Variants in NAALADL2 observed in about 807,000 individuals in gnomAD.
NAALADL2 encodes inactive N-acetylated-alpha-linked acidic dipeptidase-like protein 2.
A neutral mutation model predicts 87.2 loss-of-function variants in NAALADL2; 76 were observed. The ratio of observed to expected loss-of-function variants is 0.87; its 90% CI spans 0.72 to 1.05. The LOEUF (loss-of-function observed/expected upper bound fraction) is 1.05. NAALADL2 is among the 50% of genes least tolerant of loss of function. The pLI is 0.00. For synonymous variants in NAALADL2, 354 were observed against 331.0 expected (o/e 1.07, Z -0.75); for missense variants, 1,089 against 945.8 (o/e 1.15, Z -1.99).
At chr3:175,338,548 A>T (rs1406195355) in intron 5 of NAALADL2, among the ~76,000 whole-genome samples, 1 of 143,266 alleles carries the variant, frequency 7.0e-6, no homozygotes, top group African/African-American at 2.5e-5. Context: ...GGCACCAGGA[A>T]GGTTGTCAAT....
chr3:175,089,024 G>GAA (rs11425531), intron 1 of NAALADL2, among the ~76,000 whole-genome samples: 17 of 150,654 alleles, frequency 1.1e-4, no homozygotes, highest in East Asian at 3.9e-4. Context: ...AACAGCAGGA[G>GAA]AAAAAAAAAA....
intron 2 of NAALADL2, among the ~76,000 whole-genome samples, chr3:175,152,924 A>T (rs1267499018): frequency 1.3e-5 from 2 of 152,028 alleles, no homozygotes; most frequent in African/African-American, 2.4e-5. Flanking sequence ...AGAAAAAAAA[A>T]TTCTAATGTA....
chr3:175,017,958 A>T (rs1482566284), intron 1 of NAALADL2, among the ~76,000 whole-genome samples: 1 of 152,028 alleles, frequency 6.6e-6, no homozygotes, highest in Non-Finnish European at 1.5e-5. Context: ...CAGAGTGGCA[A>T]GCATATGAAA....
intron 1 of NAALADL2, among the ~76,000 whole-genome samples, chr3:175,085,522 C>G (rs928702101): frequency 3.3e-5 from 5 of 151,952 alleles, no homozygotes; most frequent in Non-Finnish European, 7.4e-5. Flanking sequence ...ACTCAGGAAA[C>G]AAAGAGACCT....
chr3:175,230,911 G>A (rs1001247476), intron 2 of NAALADL2, among the ~76,000 whole-genome samples: 1 of 151,874 alleles, frequency 6.6e-6, no homozygotes, highest in Non-Finnish European at 1.5e-5. Context: ...ATAATCCCTT[G>A]CCTAAAGAAA....
At chr3:174,670,713 A>T (rs1244741462) in intron 2 of NAALADL2, among the ~76,000 whole-genome samples, 1 of 152,106 alleles carries the variant, frequency 6.6e-6, no homozygotes, top group Non-Finnish European at 1.5e-5. Context: ...ATTTCATATA[A>T]TTCAACATAA....
chr3:175,440,010 T>G (rs2149198194), intron 5 of NAALADL2, among the ~76,000 whole-genome samples: 1 of 152,322 alleles, frequency 6.6e-6, no homozygotes, highest in African/African-American at 2.4e-5. Flanking sequence ...TCTAGAATTT[T>G]TATGGTTTCA....
chr3:175,616,553 A>C (rs1048662845), intron 10 of NAALADL2, among the ~76,000 whole-genome samples: 2 of 152,094 alleles, frequency 1.3e-5, no homozygotes, highest in African/African-American at 4.8e-5. Flanking sequence ...TGAAAATATG[A>C]ATCTGGGAGT....
rs555589711 is a variant in NAALADL2 at position 174,442,436 on chromosome 3, T to C, written c.-184+1404T>C. ...CAGTAATGTCTGATCTCAAGACTTA[T>C]GGGAAATGTAAAAGTAACTCCTCTT... is the stretch of plus-strand genomic sequence containing the variant. On this transcript the variant is annotated intron_variant, in intron 1 of 3. Coordinates refer to the NAALADL2 transcript ENST00000434257. Among the ~76,000 whole-genome samples, 22 of 152,284 alleles carry C rather than the reference T, an allele frequency of 1.4e-4. No homozygotes were observed. In the East Asian group the frequency reaches 2.9e-3, roughly 20 times the overall value.
At chr3:175,219,868 C>CTT (rs201278819) in intron 2 of NAALADL2, among the ~76,000 whole-genome samples, 25 of 116,460 alleles carry the variant, frequency 2.1e-4, no homozygotes, top group African/African-American at 7.9e-4. Flanking sequence ...GGTTTTCTTT[C>CTT]TTTTTTTTTT....
At chr3:175,455,136 A>G (rs889599742) in intron 6 of NAALADL2, among the ~76,000 whole-genome samples, 1 of 152,074 alleles carries the variant, frequency 6.6e-6, no homozygotes, top group Non-Finnish European at 1.5e-5. Context: ...TTGTCACTGC[A>G]TAAAGTGGAC....
intron 2 of NAALADL2, among the ~76,000 whole-genome samples, chr3:174,727,802 T>TGG (rs1176478690): frequency 1.3e-5 from 2 of 152,138 alleles, no homozygotes; most frequent in Admixed American, 6.6e-5. Flanking sequence ...AAAGGTATAG[T>TGG]GGCACATATC....
intron 2 of NAALADL2, among the ~76,000 whole-genome samples, chr3:174,568,875 G>C (rs1208513207): frequency 6.7e-6 from 1 of 150,238 alleles, no homozygotes; most frequent in Non-Finnish European, 1.5e-5. Flanking sequence ...TAGAATTTTA[G>C]AATATTTTCG....
intron 10 of NAALADL2, among the ~76,000 whole-genome samples, chr3:175,579,568 T>C (rs1038217318): frequency 6.6e-6 from 1 of 152,208 alleles, no homozygotes; most frequent in African/African-American, 2.4e-5. Flanking sequence ...ATTTGCCAAA[T>C]GTTAGAATGA....
At chr3:175,059,129 G>T (rs1235350465) in intron 1 of NAALADL2, among the ~76,000 whole-genome samples, 1 of 152,042 alleles carries the variant, frequency 6.6e-6, no homozygotes, top group East Asian at 1.9e-4. Flanking sequence ...GCTTTTTAAA[G>T]CTATTTTACC....
chr3:175,603,677 C>T (rs1723262820), intron 10 of NAALADL2, among the ~76,000 whole-genome samples: 1 of 152,134 alleles, frequency 6.6e-6, no homozygotes, highest in Non-Finnish European at 1.5e-5. Flanking sequence ...GAATAGTATT[C>T]CATTGCATGT....
chr3:175,784,059 G>C (rs908172956), intron 13 of NAALADL2, among the ~76,000 whole-genome samples: 22 of 148,912 alleles, frequency 1.5e-4, no homozygotes, highest in African/African-American at 5.1e-4. Flanking sequence ...AAGCCCACTT[G>C]ATCATGGTGG....
At position 174,461,694 on chromosome 3, in the gene NAALADL2, A is replaced by G. The variant is rs553135581; in HGVS notation, c.-184+20662A>G. ...GTAGTTATTTCTGAAAATAGCCATG[A>G]AATATGATCATTAACCAAGGTCTGC... is the stretch of plus-strand genomic sequence containing the variant. On this transcript the variant is annotated intron_variant, in intron 1 of 3. Transcript: ENST00000434257. Among the ~76,000 whole-genome samples the G allele has an allele frequency of 3.9e-5, 6 of 152,220 alleles. No individual in the cohort carries two copies. The South Asian group carries it at 1.0e-3, about 26-fold the overall frequency.
chr3:175,627,327 C>A lies in NAALADL2; in HGVS notation c.1837C>A (p.Arg613=), dbSNP rs547867571. 2.5e-6 allele frequency: 4 copies of A among 1,572,082 alleles called. No individual in the cohort carries two copies. Among genetic ancestry groups the A allele is most frequent in the South Asian group, 2.3e-5 (2 of 85,912 alleles). The change falls in exon 11 of 14, where the codon CGA becomes AGA. Residue 613 remains arginine, a synonymous_variant. Coordinates refer to ENST00000454872, the MANE Select transcript of NAALADL2 (RefSeq NM_207015.3). Reference sequence around the variant, plus strand: ...TCTCTCCGAGGCCCGTTTTTCTACACGAGCAACAAAAATTGAAGAAATGGA... The same window carrying A: ...TCTCTCCGAGGCCCGTTTTTCTACAAGAGCAACAAAAATTGAAGAAATGGA... The part of the protein sequence containing the change: ...SFLSEARFST[R]ATKIEEMDPS...
Sources: allele counts gnomAD v4.1 joint callset (sites outside exome capture counted in the v4.1 genomes callset), GRCh38; gene constraint gnomAD v4.1.1; transcripts MANE v1.5; gene names NCBI Gene and HGNC (gene_info 2026-07-23, HGNC 2026-07-21).